The following SCARB1 variants were observed in gnomAD, a reference collection of about 807,000 sequenced individuals.
SCARB1 encodes scavenger receptor class B member 1, also known as CD36 and LIMPII analogous 1.
Under a neutral mutation model 57.2 loss-of-function variants are expected in SCARB1, and 30 were observed. The observed-to-expected ratio is 0.52, with a 90% CI of 0.39 to 0.71. SCARB1 has a LOEUF of 0.71. Ranked by LOEUF, SCARB1 falls within the 30% of genes least tolerant of loss-of-function variation. SCARB1 has a pLI of 0.00. For missense variants in SCARB1, 543 were observed against 671.2 expected (o/e 0.81, Z 2.11); for synonymous variants, 249 against 268.3 (o/e 0.93, Z 0.70).
intron 1 of SCARB1, among the ~76,000 whole-genome samples, chr12:124,837,538 GAAA>G (rs71092228): frequency 1.1e-5 from 1 of 88,760 alleles, no homozygotes; most frequent in Non-Finnish European, 2.5e-5. Context: ...GAAAAAGAAA[GAAA>G]AGAAAAGAAA....
At chr12:124,836,008 C>A (rs1006569211) in intron 1 of SCARB1, among the ~76,000 whole-genome samples, 4 of 152,222 alleles carry the variant, frequency 2.6e-5, no homozygotes, top group African/African-American at 7.2e-5. Flanking sequence ...TAGTAACACA[C>A]GATGAGAACG....
intron 1 of SCARB1, among the ~76,000 whole-genome samples, chr12:124,829,002 G>T (rs1169331412): frequency 6.6e-6 from 1 of 152,214 alleles, no homozygotes; most frequent in Non-Finnish European, 1.5e-5. Flanking sequence ...GCCTTAAGAT[G>T]CAGGAACAAC....
rs1454968363 is a variant in SCARB1 at position 124,817,142 on chromosome 12, G to GTGTGTGTA, written c.284+407_284+408insTACACACA. On this transcript the variant is annotated intron_variant, in intron 2 of 12. Coordinates refer to ENST00000261693, the MANE Select transcript of SCARB1 (RefSeq NM_005505.5). This position sits in a 1 kb window ranked among gnomAD's most constrained non-coding sequence, Gnocchi z 4.8. ...TATGTATGTATGTGTGTATGTGTAT[G>GTGTGTGTA]TGTATGTGTGTGTATGTATGTGTGT... 2.0e-5 allele frequency among the ~76,000 whole-genome samples: 3 copies of GTGTGTGTA among 151,362 alleles called. No homozygotes were observed. The highest frequency in any genetic ancestry group is 2.0e-4 in the Admixed American group (3 of 15,202).
chr12:124,863,855 C>A lies in SCARB1; in HGVS notation c.-135G>T, dbSNP rs1189102930. 1.7e-6 allele frequency: 2 copies of A among 1,150,240 alleles called. No individual in the cohort carries two copies. Among genetic ancestry groups the A allele is most frequent in the Non-Finnish European group, 2.3e-6 (2 of 881,288 alleles). The allele number at this position is 1,150,240 out of a possible 1,614,324, so 71.3% of individuals were successfully genotyped here. Reference sequence around the variant, plus strand: ...AGGCACGGTGGATCCGGGACGGCAGCGCACGCAGGAGCAGCCCGGCAGGTG... The same window carrying A: ...AGGCACGGTGGATCCGGGACGGCAGAGCACGCAGGAGCAGCCCGGCAGGTG... On this transcript the variant is annotated 5_prime_UTR_variant, in exon 1 of 13. Coordinates refer to ENST00000261693, the MANE Select transcript of SCARB1 (RefSeq NM_005505.5).
intron 9 of SCARB1, among the ~76,000 whole-genome samples, chr12:124,791,871 G>A (rs780178607): frequency 6.6e-6 from 1 of 151,874 alleles, no homozygotes; most frequent in Non-Finnish European, 1.5e-5. Context: ...CAGGAGAATC[G>A]CTTGAACCCG....
intron 6 of SCARB1, among the ~76,000 whole-genome samples, chr12:124,808,343 T>A (rs912966079): frequency 4.9e-4 from 75 of 152,270 alleles, no homozygotes; most frequent in African/African-American, 1.8e-3. Context: ...ACAGAATATA[T>A]CATGCCCCTG....
At chr12:124,820,845 G>A (rs1457055059) in intron 1 of SCARB1, among the ~76,000 whole-genome samples, 2 of 152,196 alleles carry the variant, frequency 1.3e-5, no homozygotes, top group Non-Finnish European at 2.9e-5. Context: ...TGGATCTCAG[G>A]GGCGGGTTTC....
chr12:124,821,601 T>C (rs113750617), intron 1 of SCARB1: 4 of 933,026 alleles, frequency 4.3e-6, no homozygotes, highest in African/African-American at 3.6e-5. Flanking sequence ...AACTGGGTGA[T>C]CAGGGATGGG....
intron 1 of SCARB1, among the ~76,000 whole-genome samples, chr12:124,856,091 A>G (rs1449304089): frequency 6.6e-6 from 1 of 152,274 alleles, no homozygotes; most frequent in Non-Finnish European, 1.5e-5. Context: ...GGGAAGGGAC[A>G]GGGAATGTTT....
chr12:124,787,430 G>A lies in SCARB1; in HGVS notation c.1230C>T (p.Val410=). The change falls in exon 10 of 13, where the codon GTC becomes GTT. Residue 410 remains valine (V), a synonymous_variant. Transcript: ENST00000261693. The part of the protein sequence containing the change: ...IGQTGKIEPV[V]LPLLWFAESG... ...CCTCTGCAAACCAGAGCAGCGGCAG[G>A]ACCACAGGCTCAATCTTCCCAGTTT... 1.9e-6 allele frequency: 3 copies of A among 1,613,776 alleles called. No homozygotes were observed. The highest frequency in any genetic ancestry group is 1.1e-5 in the South Asian group (1 of 90,994).
intron 1 of SCARB1, among the ~76,000 whole-genome samples, chr12:124,855,576 G>A (rs12230146): frequency 0.094 from 14,320 of 152,212 alleles, 836 homozygotes; most frequent in South Asian, 0.17. Flanking sequence ...GTAAATAAAA[G>A]GGATTCTCTT....
At chr12:124,852,536 C>T (rs534738213) in intron 1 of SCARB1, among the ~76,000 whole-genome samples, 6 of 152,364 alleles carry the variant, frequency 3.9e-5, no homozygotes, top group East Asian at 1.9e-4. Flanking sequence ...CCAAAGTCCA[C>T]GCTGCGGAGG....
chr12:124,778,292 C>T lies in SCARB1; in HGVS notation c.*295G>A. ...AGGACCCACAGCCCCTGTGGTCAGGCCTGTGGGCCACGTGGAGAGAAGGTT... is the reference window on the plus strand; with the variant it reads ...AGGACCCACAGCCCCTGTGGTCAGGTCTGTGGGCCACGTGGAGAGAAGGTT... On this transcript the variant is annotated 3_prime_UTR_variant, in exon 13 of 13. Coordinates refer to ENST00000261693, the MANE Select transcript of SCARB1 (RefSeq NM_005505.5). The T allele has an allele frequency of 1.7e-6, 1 of 576,666 alleles. No homozygotes were observed. The highest frequency in any genetic ancestry group is 2.6e-6 in the Non-Finnish European group (1 of 389,282). 35.7% of individuals were successfully genotyped at this position (576,666 alleles called of 1,614,324 possible). A position where few individuals can be genotyped will look rare whatever the true frequency, so the allele number is the denominator to read the frequency against.
rs1949655805 is a variant in SCARB1 at position 124,789,767 on chromosome 12, C to T, written c.1203-2310G>A. On this transcript the variant is annotated intron_variant, in intron 9 of 12. Transcript: ENST00000261693. This position sits in a 1 kb window ranked among gnomAD's most constrained non-coding sequence, Gnocchi z 4.4. ...GTGGCTCACGCCTGTAATCCCAGCA[C>T]TTTGGGAGGCCGAGGCAGGTGGATC... 6.6e-6 allele frequency among the ~76,000 whole-genome samples: 1 copy of T among 152,122 alleles called. No homozygotes were observed. The highest frequency in any genetic ancestry group is 2.1e-4 in the South Asian group (1 of 4,830).
At chr12:124,787,279 T>A (rs1949558404) in intron 10 of SCARB1, 127 bp downstream of exon 10, 1 of 802,266 alleles carries the variant, frequency 1.2e-6, no homozygotes, top group East Asian at 2.7e-5. Context: ...CGCTGGTCCA[T>A]GTCACAGTCC....
intron 1 of SCARB1, among the ~76,000 whole-genome samples, chr12:124,841,753 C>A (rs957962011): frequency 6.6e-6 from 1 of 152,178 alleles, no homozygotes; most frequent in Non-Finnish European, 1.5e-5. Flanking sequence ...CTCTGAGAGG[C>A]CCTCCTGACT....
intron 1 of SCARB1, among the ~76,000 whole-genome samples, chr12:124,830,626 G>C (rs1939397528): frequency 6.6e-6 from 1 of 152,118 alleles, no homozygotes; most frequent in Admixed American, 6.6e-5. Context: ...GATAGAGGTG[G>C]GGGCAGCAGG....
chr12:124,801,207 A>C (rs892558685), intron 7 of SCARB1, among the ~76,000 whole-genome samples: 6 of 151,890 alleles, frequency 4.0e-5, no homozygotes, highest in Non-Finnish European at 7.4e-5. Context: ...TCAAAAGAAA[A>C]ACAATTTTTT....
chr12:124,837,507 GA>G (rs1179858433), intron 1 of SCARB1, among the ~76,000 whole-genome samples: 1 of 87,252 alleles, frequency 1.1e-5, no homozygotes, highest in Non-Finnish European at 2.1e-5. Flanking sequence ...AAGGAAGGGA[GA>G]AAAAAGAAAA....
Sources: gnomAD v4.1 joint callset for allele counts (sites outside exome capture counted in the v4.1 genomes callset) on GRCh38, gnomAD v4.1.1 for gene constraint, Gnocchi (gnomAD v3.1) non-coding constraint, MANE v1.5 for transcripts, NCBI Gene and HGNC (gene_info 2026-07-23, HGNC 2026-07-21) for gene names.